Variants in SHISA6 observed in about 807,000 individuals in gnomAD.
SHISA6 encodes the protein shisa family member 6, also known as protein shisa-6.
In SHISA6, 22 loss-of-function variants were observed where a neutral mutation model predicts 47.9. That is an observed-to-expected ratio of 0.46 (90% confidence interval 0.33 to 0.66). The LOEUF is 0.66. Among genes scored for constraint, SHISA6 ranks in the 30% least tolerant of loss-of-function variants. The probability of loss-of-function intolerance (pLI) is 0.02; values close to 1 mark genes in which losing one functional copy is unlikely to be tolerated. For missense variants in SHISA6, 680 were observed against 764.6 expected (o/e 0.89, Z 1.30); for synonymous variants, 388 against 337.8 (o/e 1.15, Z -1.63).
chr17:11,273,084 G>A lies in SHISA6; in HGVS notation c.799+9558G>A, dbSNP rs146336069. ...ACTTTTAAAATGCTTTCCATGGACT[G>A]ACCTATCTAATTCTTGTAACAAGCC... is the stretch of plus-strand genomic sequence containing the variant. On this transcript the variant is annotated intron_variant, in intron 2 of 5. Coordinates refer to ENST00000441885, the MANE Select transcript of SHISA6 (RefSeq NM_207386.4). Among the ~76,000 whole-genome samples, 746 of 152,302 alleles carry A rather than the reference G, an allele frequency of 4.9e-3. 6 individuals carry two copies. The highest frequency in any genetic ancestry group is 0.017 in the African/African-American group (701 of 41,556).
chr17:11,382,053 G>A (rs1478044094), intron 3 of SHISA6, among the ~76,000 whole-genome samples: 1 of 151,910 alleles, frequency 6.6e-6, no homozygotes, highest in African/African-American at 2.4e-5. Context: ...GCAGACTTCG[G>A]AAATGGAGAT....
intron 2 of SHISA6, among the ~76,000 whole-genome samples, chr17:11,310,776 C>T (rs181081031): frequency 1.1e-3 from 169 of 152,122 alleles, no homozygotes; most frequent in Non-Finnish European, 1.8e-3. Flanking sequence ...AGTTCGAGAC[C>T]AACCTGACCG....
chr17:11,428,383 G>A (rs543051293), intron 3 of SHISA6, among the ~76,000 whole-genome samples: 1 of 152,308 alleles, frequency 6.6e-6, no homozygotes, highest in African/African-American at 2.4e-5. Flanking sequence ...GAACACGTAC[G>A]TCCTGAAAAG....
intron 2 of SHISA6, among the ~76,000 whole-genome samples, chr17:11,315,166 T>G (rs889079672): frequency 1.1e-4 from 17 of 152,196 alleles, no homozygotes; most frequent in African/African-American, 3.9e-4. Flanking sequence ...TTAATCCTAG[T>G]GTTCTGATAC....
At chr17:11,373,356 G>C (rs1416383833) in intron 2 of SHISA6, among the ~76,000 whole-genome samples, 2 of 151,700 alleles carry the variant, frequency 1.3e-5, no homozygotes, top group Non-Finnish European at 2.9e-5. Flanking sequence ...CTATCCATCT[G>C]TCTATCCATC....
intron 3 of SHISA6, among the ~76,000 whole-genome samples, chr17:11,439,602 G>C (rs964524585): frequency 2.0e-5 from 3 of 152,098 alleles, no homozygotes; most frequent in Non-Finnish European, 2.9e-5. Context: ...CTCAAGTTAA[G>C]TAACTAAGTC....
rs1468188664 is a variant in SHISA6 at position 11,562,079 on chromosome 17, C to T, written c.*3775C>T. 3 of 152,156 alleles carry T rather than the reference C, an allele frequency of 2.0e-5. No homozygotes were observed. Among genetic ancestry groups the T allele is most frequent in the Non-Finnish European group, 2.9e-5 (2 of 68,124 alleles). 9.4% of individuals were successfully genotyped at this position (152,156 alleles called of 1,614,324 possible). ...CCAAAGACTCCTATCCTTGAGGGCT[C>T]TCAGCCACTGCTCCAACACACTTGC... On this transcript the variant is annotated 3_prime_UTR_variant, in exon 6 of 6. Transcript: ENST00000441885.
At chr17:11,384,576 C>T (rs947820403) in intron 3 of SHISA6, among the ~76,000 whole-genome samples, 1 of 152,222 alleles carries the variant, frequency 6.6e-6, no homozygotes, top group Non-Finnish European at 1.5e-5. Context: ...AGAACCCCCA[C>T]ATTTCAATAT....
At chr17:11,472,951 A>G (rs1243906994) in intron 3 of SHISA6, among the ~76,000 whole-genome samples, 2 of 152,200 alleles carry the variant, frequency 1.3e-5, no homozygotes, top group African/African-American at 4.8e-5. Context: ...CCAGCTATAT[A>G]TCTCCTTTGG....
chr17:11,553,253 G>A (rs1195505453), intron 4 of SHISA6, among the ~76,000 whole-genome samples: 1 of 152,146 alleles, frequency 6.6e-6, no homozygotes, highest in East Asian at 1.9e-4. Flanking sequence ...AGGAGTGGGG[G>A]CACTCTACAC....
chr17:11,466,890 T>C (rs1167530854), intron 3 of SHISA6, among the ~76,000 whole-genome samples: 3 of 152,148 alleles, frequency 2.0e-5, no homozygotes, highest in East Asian at 3.9e-4. Flanking sequence ...TAGGACACTT[T>C]TGTGCAGATC....
At chr17:11,452,418 T>C (rs1313190770) in intron 3 of SHISA6, among the ~76,000 whole-genome samples, 1 of 152,146 alleles carries the variant, frequency 6.6e-6, no homozygotes, top group African/African-American at 2.4e-5. Context: ...AGATTGTACA[T>C]AGAGTCCAGC....
chr17:11,459,141 C>T (rs1360536689), intron 3 of SHISA6, among the ~76,000 whole-genome samples: 1 of 150,942 alleles, frequency 6.6e-6, no homozygotes, highest in African/African-American at 2.4e-5. Context: ...ATGGCATGAA[C>T]CTGGGAGGTG....
intron 4 of SHISA6, among the ~76,000 whole-genome samples, chr17:11,555,530 G>C (rs1171223007): frequency 6.6e-6 from 1 of 151,990 alleles, no homozygotes; most frequent in Non-Finnish European, 1.5e-5. Flanking sequence ...ATGGTGAACT[G>C]TCTTGGTGGT....
At chr17:11,348,574 C>A (rs909448780) in intron 2 of SHISA6, among the ~76,000 whole-genome samples, 1 of 151,986 alleles carries the variant, frequency 6.6e-6, no homozygotes, top group Non-Finnish European at 1.5e-5. Context: ...TCCCAATAGG[C>A]CTCCTCAATC....
intron 1 of SHISA6, among the ~76,000 whole-genome samples, chr17:11,255,821 G>C (rs923043551): frequency 6.6e-6 from 1 of 152,176 alleles, no homozygotes; most frequent in Admixed American, 6.5e-5. Flanking sequence ...TGCTTTTGTT[G>C]TGGTCCTATA....
intron 3 of SHISA6, among the ~76,000 whole-genome samples, chr17:11,494,784 C>T (rs528223266): frequency 2.0e-5 from 3 of 152,234 alleles, no homozygotes; most frequent in Admixed American, 1.3e-4. Flanking sequence ...GTGCCAGGCT[C>T]GATTCCTCAG....
chr17:11,457,867 C>T (rs996293624), intron 3 of SHISA6, among the ~76,000 whole-genome samples: 1 of 151,888 alleles, frequency 6.6e-6, no homozygotes, highest in Non-Finnish European at 1.5e-5. Context: ...AGGTGGATCA[C>T]GAGGTCAGGA....
At chr17:11,460,067 G>A (rs1458359695) in intron 3 of SHISA6, among the ~76,000 whole-genome samples, 1 of 152,202 alleles carries the variant, frequency 6.6e-6, no homozygotes, top group Non-Finnish European at 1.5e-5. Context: ...TAGGACCTGT[G>A]AGGAAAGGAT....
Sources: allele counts gnomAD v4.1 joint callset (sites outside exome capture counted in the v4.1 genomes callset), GRCh38; gene constraint gnomAD v4.1.1; transcripts MANE v1.5; gene names NCBI Gene and HGNC (gene_info 2026-07-23, HGNC 2026-07-21).